The following DCC variants were observed in gnomAD, a reference collection of about 807,000 sequenced individuals.
The protein encoded by DCC is DCC netrin 1 receptor, also known as netrin receptor DCC.
DCC carries 58 observed loss-of-function variants against 172.5 expected under a neutral mutation model. The observed-to-expected ratio is 0.34, with a 90% CI of 0.27 to 0.42. The LOEUF is 0.42. DCC is among the 10% of genes least tolerant of loss of function. The pLI is 1.00. For missense variants in DCC, 1,740 were observed against 1,791.0 expected (o/e 0.97, Z 0.51); for synonymous variants, 709 against 644.5 (o/e 1.10, Z -1.52).
At chr18:52,618,351 C>G (rs970046638) in intron 1 of DCC, among the ~76,000 whole-genome samples, 1 of 152,016 alleles carries the variant, frequency 6.6e-6, no homozygotes, top group Non-Finnish European at 1.5e-5. Context: ...GCAGAATAAA[C>G]TATTTGTTTC....
At chr18:53,455,699 A>C (rs1432952910) in intron 23 of DCC, among the ~76,000 whole-genome samples, 2 of 152,162 alleles carry the variant, frequency 1.3e-5, no homozygotes, top group Admixed American at 1.3e-4. Context: ...TTTCCCACTG[A>C]CTTCTTGATA....
chr18:52,414,214 G>T (rs530728251), intron 1 of DCC, among the ~76,000 whole-genome samples: 1 of 152,146 alleles, frequency 6.6e-6, no homozygotes, highest in East Asian at 1.9e-4. Flanking sequence ...CCAAGTAGCT[G>T]GGAATACAGG....
At chr18:53,391,405 A>G (rs1198607048) in intron 16 of DCC, among the ~76,000 whole-genome samples, 2 of 152,216 alleles carry the variant, frequency 1.3e-5, no homozygotes, top group Non-Finnish European at 2.9e-5. Flanking sequence ...AGTCAAATTG[A>G]TAAAACCACT....
At chr18:53,221,284 T>C (rs569355604) in intron 12 of DCC, among the ~76,000 whole-genome samples, 68 of 152,198 alleles carry the variant, frequency 4.5e-4, no homozygotes, top group African/African-American at 1.5e-3. Flanking sequence ...TTTTCCATCT[T>C]CCCAAACTAA....
intron 1 of DCC, among the ~76,000 whole-genome samples, chr18:52,522,087 A>T (rs2031836979): frequency 6.6e-6 from 1 of 152,218 alleles, no homozygotes; most frequent in Non-Finnish European, 1.5e-5. Flanking sequence ...TGAGAGATAG[A>T]ATAAAATTAC....
chr18:53,349,739 C>T (rs1005981204), intron 15 of DCC, among the ~76,000 whole-genome samples: 19 of 152,176 alleles, frequency 1.2e-4, no homozygotes, highest in African/African-American at 4.6e-4. Flanking sequence ...ACCATCAAAT[C>T]TCATGAGACT....
intron 1 of DCC, among the ~76,000 whole-genome samples, chr18:52,552,880 A>G (rs1195797517): frequency 1.3e-5 from 2 of 152,132 alleles, no homozygotes; most frequent in Non-Finnish European, 2.9e-5. Flanking sequence ...GATGATATGT[A>G]TACAAGAAAA....
chr18:52,810,633 A>C (rs1350013996), intron 2 of DCC, among the ~76,000 whole-genome samples: 1 of 152,100 alleles, frequency 6.6e-6, no homozygotes, highest in Admixed American at 6.5e-5. Flanking sequence ...GGGAGTGCGC[A>C]CTGATTGGTT....
intron 27 of DCC, among the ~76,000 whole-genome samples, chr18:53,525,782 C>G (rs2046448277): frequency 6.6e-6 from 1 of 152,082 alleles, no homozygotes; most frequent in South Asian, 2.1e-4. Context: ...TTCTCTAATA[C>G]CTTTTCTGCT....
In DCC at chr18:52,807,181, G is replaced by A. The variant is rs565167301; in HGVS notation, c.412+54807G>A. ...CTGCACTCCAGCCTGGTGACAGAGC[G>A]AGACTGTCTCAAAAAAATTCAGAGT... On this transcript the variant is annotated intron_variant, in intron 2 of 28. Transcript: ENST00000442544. Among the ~76,000 whole-genome samples, 175 of 152,252 alleles carry A rather than the reference G, an allele frequency of 1.1e-3. 2 individuals carry two copies. The highest frequency in any genetic ancestry group is 3.5e-3 in the Admixed American group (53 of 15,298).
chr18:53,195,033 C>T (rs1028658911), intron 9 of DCC, among the ~76,000 whole-genome samples: 1 of 152,102 alleles, frequency 6.6e-6, no homozygotes, highest in Non-Finnish European at 1.5e-5. Flanking sequence ...TTCATATAAT[C>T]TCATATAATC....
intron 7 of DCC, among the ~76,000 whole-genome samples, chr18:53,118,169 A>G (rs1332315222): frequency 6.6e-6 from 1 of 150,822 alleles, no homozygotes; most frequent in East Asian, 1.9e-4. Flanking sequence ...AACAAAAGAC[A>G]AAGAAGGCCC....
intron 12 of DCC, among the ~76,000 whole-genome samples, chr18:53,222,567 T>C (rs1199670250): frequency 6.6e-6 from 1 of 151,766 alleles, no homozygotes; most frequent in East Asian, 1.9e-4. Context: ...TACTTTTTTT[T>C]AGTAGAGACG....
intron 9 of DCC, among the ~76,000 whole-genome samples, chr18:53,187,377 C>A (rs1485411079): frequency 2.0e-5 from 3 of 151,966 alleles, no homozygotes; most frequent in African/African-American, 7.3e-5. Flanking sequence ...CTGCCTCGGC[C>A]CCCCAAAGTG....
At chr18:52,374,592 G>A (rs1985267277) in intron 1 of DCC, among the ~76,000 whole-genome samples, 1 of 152,134 alleles carries the variant, frequency 6.6e-6, no homozygotes, top group Non-Finnish European at 1.5e-5. Flanking sequence ...CACAGATAGG[G>A]CCAACATTAG....
chr18:53,188,187 C>T (rs1461382618), intron 9 of DCC, among the ~76,000 whole-genome samples: 1 of 152,174 alleles, frequency 6.6e-6, no homozygotes, highest in Non-Finnish European at 1.5e-5. Flanking sequence ...AAATGTGCAA[C>T]CAATAAACCT....
intron 7 of DCC, among the ~76,000 whole-genome samples, chr18:53,141,481 G>A (rs760548063): frequency 5.4e-4 from 82 of 152,294 alleles, no homozygotes; most frequent in Non-Finnish European, 1.0e-3. Context: ...TCCCAGATTA[G>A]CCAGAATCCT....
At chr18:53,492,833 A>C (rs573549984) in intron 26 of DCC, among the ~76,000 whole-genome samples, 1 of 152,226 alleles carries the variant, frequency 6.6e-6, no homozygotes, top group South Asian at 2.1e-4. Context: ...ATGAAATTTA[A>C]AGTAGTTTTT....
intron 1 of DCC, among the ~76,000 whole-genome samples, chr18:52,529,473 G>A (rs1239618420): frequency 6.6e-6 from 1 of 152,122 alleles, no homozygotes; most frequent in Non-Finnish European, 1.5e-5. Flanking sequence ...TGCATTTTTA[G>A]TAGAGACAGG....
Sources: allele counts gnomAD v4.1 joint callset (sites outside exome capture counted in the v4.1 genomes callset), GRCh38; gene constraint gnomAD v4.1.1; transcripts MANE v1.5; gene names NCBI Gene and HGNC (gene_info 2026-07-23, HGNC 2026-07-21).